Variants in LRRTM3 observed in about 807,000 individuals in gnomAD.
LRRTM3 encodes the protein leucine-rich repeat transmembrane neuronal protein 3.
A neutral mutation model predicts 44.7 loss-of-function variants in LRRTM3; 24 were observed. The ratio of observed to expected loss-of-function variants is 0.54; its 90% confidence interval spans 0.39 to 0.76. The LOEUF (loss-of-function observed/expected upper bound fraction) is 0.76. Among genes scored for constraint, LRRTM3 ranks in the 30% least tolerant of loss-of-function variants. The probability of loss-of-function intolerance (pLI) is 0.00; values close to 1 mark genes in which losing one functional copy is unlikely to be tolerated. For synonymous variants in LRRTM3, 277 were observed against 278.7 expected, an observed-to-expected ratio of 0.99 and a Z score of 0.06; for missense variants, 587 against 702.2, an observed-to-expected ratio of 0.84 and a Z score of 1.85.
At chr10:67,043,244 C>T (rs1185225402) in intron 2 of LRRTM3, among the ~76,000 whole-genome samples, 1 of 151,440 alleles carries the variant, frequency 6.6e-6, no homozygotes, top group Non-Finnish European at 1.5e-5. Context: ...GGCAACATCC[C>T]ACAGATGATG....
chr10:67,008,196 T>C (rs901597356), intron 2 of LRRTM3, among the ~76,000 whole-genome samples: 6 of 152,112 alleles, frequency 3.9e-5, no homozygotes, highest in Admixed American at 6.6e-5. Context: ...CTTTAAAAAG[T>C]TGGGACCATT....
intron 2 of LRRTM3, among the ~76,000 whole-genome samples, chr10:66,956,825 C>A (rs1848814482): frequency 1.3e-5 from 2 of 152,196 alleles, no homozygotes; most frequent in Admixed American, 6.6e-5. Flanking sequence ...CAACAGTAAC[C>A]AATATTCCGT....
At chr10:67,056,892 A>G (rs1855464864) in intron 2 of LRRTM3, among the ~76,000 whole-genome samples, 1 of 152,184 alleles carries the variant, frequency 6.6e-6, no homozygotes, top group South Asian at 2.1e-4. Context: ...GTGAGAGAGC[A>G]AGGATTATGT....
At chr10:66,996,261 A>G (rs924483774) in intron 2 of LRRTM3, among the ~76,000 whole-genome samples, 27 of 152,228 alleles carry the variant, frequency 1.8e-4, no homozygotes, top group Non-Finnish European at 3.2e-4. Flanking sequence ...ATCTTGAATC[A>G]AAGCAATTAT....
At chr10:66,976,582 C>A (rs910523510) in intron 2 of LRRTM3, among the ~76,000 whole-genome samples, 3 of 152,108 alleles carry the variant, frequency 2.0e-5, no homozygotes, top group African/African-American at 7.2e-5. Context: ...CAGTGACTTC[C>A]CTAAAGAAAA....
intron 2 of LRRTM3, among the ~76,000 whole-genome samples, chr10:67,078,051 G>C (rs1187536206): frequency 6.6e-6 from 1 of 152,262 alleles, no homozygotes; most frequent in Admixed American, 6.5e-5. Flanking sequence ...CTAGACCACA[G>C]ACCAGGGTCA....
At chr10:67,076,733 G>A (rs950492708) in intron 2 of LRRTM3, among the ~76,000 whole-genome samples, 1 of 152,078 alleles carries the variant, frequency 6.6e-6, no homozygotes, top group Admixed American at 6.5e-5. Flanking sequence ...TTTAGGTAAC[G>A]GGGAAAATAA....
rs2131935966 is a variant in LRRTM3, at chr10:67,098,243, A to G, written c.*447A>G. On this transcript the variant is annotated 3_prime_UTR_variant, in exon 3 of 3. Transcript: ENST00000361320. The stretch of plus-strand genomic sequence containing the variant: ...ACAAAAATTATTTCTTGTGTTATTC[A>G]GAGTTACTCAGTTTTGTAAGGACTG... 1 of 157,940 alleles carries G rather than the reference A, an allele frequency of 6.3e-6. No individual in the cohort carries two copies. The highest frequency in any genetic ancestry group is 2.4e-5 in the African/African-American group (1 of 41,544). The allele number at this position is 157,940 out of a possible 1,614,324, so 9.8% of individuals were successfully genotyped here.
rs955591014 is a variant in LRRTM3, at chr10:67,101,413, A to C, written c.*3617A>C. 6.6e-6 allele frequency among the ~76,000 whole-genome samples: 1 copy of C among 150,638 alleles called. No individual in the cohort carries two copies. The highest frequency in any genetic ancestry group is 1.5e-5 in the Non-Finnish European group (1 of 67,632). ...GGCAAGATTTCTTCTTAAACCATGA[A>C]ATTTTTTTTACTTGTAATAATAGAG... On this transcript the variant is annotated 3_prime_UTR_variant, in exon 3 of 3. Transcript: ENST00000361320.
chr10:66,958,024 T>G (rs1035887275), intron 2 of LRRTM3, among the ~76,000 whole-genome samples: 6 of 152,006 alleles, frequency 3.9e-5, no homozygotes, highest in South Asian at 4.1e-4. Flanking sequence ...TACATAGAAC[T>G]AGAGGGGCCA....
chr10:66,996,400 C>T (rs1851340021), intron 2 of LRRTM3, among the ~76,000 whole-genome samples: 1 of 152,038 alleles, frequency 6.6e-6, no homozygotes, highest in Admixed American at 6.6e-5. Context: ...AATCCTAGCA[C>T]TTTGGGAGGC....
intron 2 of LRRTM3, among the ~76,000 whole-genome samples, chr10:67,063,674 C>T (rs1855895859): frequency 6.6e-6 from 1 of 152,152 alleles, no homozygotes; most frequent in South Asian, 2.1e-4. Context: ...TACTTAGACA[C>T]CTAATACGTA....
At chr10:67,006,994 C>A (rs906215718) in intron 2 of LRRTM3, among the ~76,000 whole-genome samples, 2 of 152,088 alleles carry the variant, frequency 1.3e-5, no homozygotes, top group Non-Finnish European at 2.9e-5. Flanking sequence ...TGGGGTTTCA[C>A]CATGTTGGCC....
chr10:67,003,655 T>C (rs765169431), intron 2 of LRRTM3, among the ~76,000 whole-genome samples: 2 of 152,088 alleles, frequency 1.3e-5, no homozygotes, highest in Non-Finnish European at 2.9e-5. Context: ...TTCAAGTGAG[T>C]CTTATTAACA....
intron 2 of LRRTM3, among the ~76,000 whole-genome samples, chr10:66,989,691 ATTTAAAT>A (rs1292013386): frequency 6.6e-6 from 1 of 152,184 alleles, no homozygotes; most frequent in African/African-American, 2.4e-5. Context: ...AAGACTACTT[ATTTAAAT>A]TTTAAAAGAA....
At chr10:66,944,078 CTCTT>C (rs1564785357) in intron 2 of LRRTM3, among the ~76,000 whole-genome samples, 1 of 152,146 alleles carries the variant, frequency 6.6e-6, no homozygotes, top group Non-Finnish European at 1.5e-5. Flanking sequence ...CATTGGTTGA[CTCTT>C]TCATGAAAGA....
At position 67,098,798 on chromosome 10, in the gene LRRTM3, G is replaced by A. The variant is rs1351125867; in HGVS notation, c.*1002G>A. Reference sequence around the variant, plus strand: ...TATAGTGCATAATAATTGTACAGTAGCAATTTTTATCCTAATTAACCCATA... The same window carrying A: ...TATAGTGCATAATAATTGTACAGTAACAATTTTTATCCTAATTAACCCATA... On this transcript the variant is annotated 3_prime_UTR_variant, in exon 3 of 3. Coordinates refer to ENST00000361320, the MANE Select transcript of LRRTM3 (RefSeq NM_178011.5). 3 of 151,802 alleles carry A rather than the reference G, an allele frequency of 2.0e-5. No individual in the cohort carries two copies. The highest frequency in any genetic ancestry group is 2.0e-4 in the Admixed American group (3 of 15,200). 9.4% of individuals were successfully genotyped at this position (151,802 alleles called of 1,614,324 possible). A position where few individuals can be genotyped will look rare whatever the true frequency, so the allele number is the denominator to read the frequency against.
intron 2 of LRRTM3, among the ~76,000 whole-genome samples, chr10:67,056,295 C>T (rs1855424488): frequency 6.6e-6 from 1 of 152,088 alleles, no homozygotes; most frequent in Non-Finnish European, 1.5e-5. Flanking sequence ...TTGGGAATTC[C>T]TTTGGTTTGG....
intron 2 of LRRTM3, among the ~76,000 whole-genome samples, chr10:67,066,397 TG>T (rs1490422854): frequency 1.3e-5 from 2 of 152,044 alleles, no homozygotes; most frequent in Non-Finnish European, 2.9e-5. Flanking sequence ...TGCACCATGT[TG>T]GCCAGGATGA....
Sources: gnomAD v4.1 joint callset for allele counts (sites outside exome capture counted in the v4.1 genomes callset) on GRCh38, gnomAD v4.1.1 for gene constraint, MANE v1.5 for transcripts, NCBI Gene and HGNC (gene_info 2026-07-23, HGNC 2026-07-21) for gene names.